Variants in ZFAT observed in about 807,000 individuals in gnomAD.
The protein encoded by ZFAT is zinc finger protein ZFAT.
A neutral mutation model predicts 117.7 loss-of-function variants in ZFAT; 64 were observed. The ratio of observed to expected loss-of-function variants is 0.54; its 90% CI spans 0.44 to 0.67. The LOEUF (loss-of-function observed/expected upper bound fraction) is 0.67. Ranked by LOEUF, ZFAT falls within the 30% of genes least tolerant of loss-of-function variation. The pLI, the probability that ZFAT is intolerant of heterozygous loss-of-function variation, is 0.00. For synonymous variants in ZFAT, 679 were observed against 615.0 expected (o/e 1.10, Z -1.54); for missense variants, 1,433 against 1,584.5 (o/e 0.90, Z 1.62).
At chr8:134,761,325 A>T in the ZFAT span, among the ~76,000 whole-genome samples, 2 of 152,112 alleles carry the variant, frequency 1.3e-5, no homozygotes, top group Non-Finnish European at 2.9e-5. Context: ...TGATACATGC[A>T]TCTAGAGTTA....
At chr8:134,670,497 T>TTTTC (rs1832504434) in intron 1 of ZFAT, among the ~76,000 whole-genome samples, 1 of 152,270 alleles carries the variant, frequency 6.6e-6, no homozygotes, top group Non-Finnish European at 1.5e-5. Flanking sequence ...TGCTCCTGAA[T>TTTTC]GACTACTGAG....
chr8:134,495,887 G>A (rs1462461347), intron 15 of ZFAT, among the ~76,000 whole-genome samples: 2 of 152,014 alleles, frequency 1.3e-5, no homozygotes, highest in Non-Finnish European at 2.9e-5. Flanking sequence ...CCATAATCAC[G>A]CCACTGTACT....
chr8:134,564,296 T>C (rs555449360), intron 11 of ZFAT, among the ~76,000 whole-genome samples: 1 of 150,656 alleles, frequency 6.6e-6, no homozygotes, highest in South Asian at 2.1e-4. Context: ...TTAAGGCTCA[T>C]ACAACTCCAT....
chr8:134,800,261 T>A, the ZFAT span, among the ~76,000 whole-genome samples: 1 of 152,134 alleles, frequency 6.6e-6, no homozygotes, highest in East Asian at 1.9e-4. Flanking sequence ...TTTTAATAAA[T>A]TTAGAGTAAT....
chr8:134,638,194 G>A (rs1222283281), intron 2 of ZFAT, among the ~76,000 whole-genome samples: 3 of 151,940 alleles, frequency 2.0e-5, no homozygotes, highest in Non-Finnish European at 4.4e-5. Flanking sequence ...AAATTGTCCT[G>A]GCAAGAAAAA....
chr8:134,628,150 G>A (rs943341886), intron 3 of ZFAT, among the ~76,000 whole-genome samples: 2 of 152,186 alleles, frequency 1.3e-5, no homozygotes, highest in Non-Finnish European at 2.9e-5. Context: ...GCATTCCATA[G>A]AGAAGGGACA....
intron 11 of ZFAT, among the ~76,000 whole-genome samples, chr8:134,546,289 G>GA (rs1459474606): frequency 6.6e-6 from 1 of 152,202 alleles, no homozygotes; most frequent in Non-Finnish European, 1.5e-5. Context: ...AGATGGTCTT[G>GA]ATCATGCAAG....
the ZFAT span, among the ~76,000 whole-genome samples, chr8:134,757,145 T>G: frequency 6.6e-6 from 1 of 150,968 alleles, no homozygotes; most frequent in African/African-American, 2.4e-5. Flanking sequence ...GCCTCCCAAG[T>G]AGCTGGGACT....
intron 3 of ZFAT, among the ~76,000 whole-genome samples, chr8:134,623,091 T>C: frequency 6.6e-6 from 1 of 152,128 alleles, no homozygotes; most frequent in Non-Finnish European, 1.5e-5. Flanking sequence ...GGATGACTCC[T>C]CGCTCCATTC....
At chr8:134,546,920 C>T (rs752099858) in intron 11 of ZFAT, among the ~76,000 whole-genome samples, 11 of 152,176 alleles carry the variant, frequency 7.2e-5, no homozygotes, top group East Asian at 1.9e-4. Flanking sequence ...ACAGAACCAA[C>T]GGTATTTCTT....
chr8:134,728,846 A>G, the ZFAT span, among the ~76,000 whole-genome samples: 2 of 152,214 alleles, frequency 1.3e-5, no homozygotes, highest in Non-Finnish European at 2.9e-5. Flanking sequence ...GCATTACATA[A>G]CATATCTCTC....
chr8:134,733,760 G>A, the ZFAT span, among the ~76,000 whole-genome samples: 4 of 152,326 alleles, frequency 2.6e-5, no homozygotes, highest in Middle Eastern at 3.4e-3. Context: ...GTAGGTCACC[G>A]TGCCATCACC....
At chr8:134,677,905 T>G (rs1417661327) in intron 1 of ZFAT, among the ~76,000 whole-genome samples, 1 of 152,156 alleles carries the variant, frequency 6.6e-6, no homozygotes, top group Non-Finnish European at 1.5e-5. Flanking sequence ...CAGCCCTTCA[T>G]GCTAAAAACT....
chr8:134,557,209 C>T (rs559582650), intron 11 of ZFAT, among the ~76,000 whole-genome samples: 22 of 152,048 alleles, frequency 1.4e-4, no homozygotes, highest in African/African-American at 4.6e-4. Context: ...TAAAACAAGA[C>T]GAACACAAAA....
In ZFAT at chr8:134,629,545, G is replaced by C. The variant is rs139494445; in HGVS notation, c.448+7916C>G. Among the ~76,000 whole-genome samples the C allele has an allele frequency of 4.8e-3, 729 of 152,258 alleles. 3 individuals carry two copies. The highest frequency in any genetic ancestry group is 7.6e-3 in the Non-Finnish European group (515 of 68,002). The stretch of plus-strand genomic sequence containing the variant: ...GAATTGGAGGAGAGGCCTGGTGGAA[G>C]GTGATTGGATCATGGGGGTGGATTT... On this transcript the variant is annotated intron_variant, in intron 3 of 15. Coordinates refer to ENST00000377838, the MANE Select transcript of ZFAT (RefSeq NM_020863.4).
intron 15 of ZFAT, among the ~76,000 whole-genome samples, chr8:134,482,062 G>T (rs1354829486): frequency 2.0e-5 from 3 of 152,126 alleles, no homozygotes; most frequent in Non-Finnish European, 4.4e-5. Flanking sequence ...CCCAGCACTG[G>T]GCTCTGTTCC....
At chr8:134,601,345 T>A (rs1357723117) in intron 6 of ZFAT, 132 bp downstream of exon 6, 1 of 1,347,250 alleles carries the variant, frequency 7.4e-7, no homozygotes, top group East Asian at 2.4e-5. Context: ...TCACCGTTCC[T>A]ATCTACAATG....
At chr8:134,491,470 G>C (rs756081494) in intron 15 of ZFAT, among the ~76,000 whole-genome samples, 102 of 152,206 alleles carry the variant, frequency 6.7e-4, no homozygotes, top group Non-Finnish European at 2.4e-4. Flanking sequence ...CAACACAAAT[G>C]TATCATTTTT....
rs118085744 is a variant in ZFAT at position 134,610,697 on chromosome 8, T to G, written c.449-42A>C. The G allele has an allele frequency of 7.5e-3, 12,005 of 1,603,832 alleles. 60 individuals carry two copies. Among genetic ancestry groups the G allele is most frequent in the Non-Finnish European group, 9.0e-3 (10,618 of 1,174,440 alleles). ...AAGATGCATAAGGTATCCTTTTATA[T>G]CAGTGGCAGAGTTGGAGGGTAAACA... On this transcript the variant is annotated intron_variant, in intron 3 of 15. Coordinates refer to ENST00000377838, the MANE Select transcript of ZFAT (RefSeq NM_020863.4).
Sources: gnomAD v4.1 joint callset for allele counts (sites outside exome capture counted in the v4.1 genomes callset) on GRCh38, gnomAD v4.1.1 for gene constraint, MANE v1.5 for transcripts, NCBI Gene and HGNC (gene_info 2026-07-23, HGNC 2026-07-21) for gene names.